Variants in NALF1 observed in about 807,000 individuals in gnomAD.
NALF1 encodes the protein family with sequence similarity 155 member A.
In NALF1, 3 loss-of-function variants were observed where a neutral mutation model predicts 48.4. That is an observed-to-expected ratio of 0.06 (90% CI 0.03 to 0.16). The LOEUF is 0.16. NALF1 is among the 10% of genes least tolerant of loss of function. The pLI, the probability that NALF1 is intolerant of heterozygous loss-of-function variation, is 1.00. For synonymous variants in NALF1, 262 were observed against 245.7 expected (o/e 1.07, Z -0.62); for missense variants, 526 against 571.5 (o/e 0.92, Z 0.81).
intron 1 of NALF1, among the ~76,000 whole-genome samples, chr13:107,358,160 C>T (rs998386794): frequency 1.6e-4 from 22 of 138,334 alleles, no homozygotes; most frequent in African/African-American, 5.1e-4. Context: ...ATTTTATATA[C>T]GTAACATATG....
intron 1 of NALF1, among the ~76,000 whole-genome samples, chr13:107,614,992 G>T (rs974253978): frequency 3.3e-5 from 5 of 151,868 alleles, no homozygotes; most frequent in Admixed American, 1.3e-4. Flanking sequence ...GGCCAGGCTG[G>T]TCTTGAACTC....
chr13:107,831,363 A>G (rs964360727), intron 1 of NALF1, among the ~76,000 whole-genome samples: 1 of 152,204 alleles, frequency 6.6e-6, no homozygotes, highest in East Asian at 1.9e-4. Context: ...TCGGCACTTA[A>G]TAAGATTGGC....
intron 1 of NALF1, among the ~76,000 whole-genome samples, chr13:107,684,133 C>A (rs930145663): frequency 6.6e-6 from 1 of 152,194 alleles, no homozygotes; most frequent in African/African-American, 2.4e-5. Flanking sequence ...CTCCCAAACG[C>A]AGAATCCACC....
At chr13:107,210,433 C>G (rs1202845082) in intron 2 of NALF1, 151 bp downstream of exon 2, 2 of 604,492 alleles carry the variant, frequency 3.3e-6, no homozygotes, top group Middle Eastern at 4.5e-4. Flanking sequence ...TTGAGGGGAG[C>G]TTTCGGTGCT....
At chr13:107,447,426 A>G (rs1884668685) in intron 1 of NALF1, among the ~76,000 whole-genome samples, 1 of 152,094 alleles carries the variant, frequency 6.6e-6, no homozygotes, top group South Asian at 2.1e-4. Flanking sequence ...GAGTCCAGTC[A>G]CCATAAGATG....
intron 1 of NALF1, among the ~76,000 whole-genome samples, chr13:107,385,421 C>T (rs889943654): frequency 2.0e-5 from 3 of 152,016 alleles, no homozygotes; most frequent in East Asian, 1.9e-4. Context: ...GGTATAGTGG[C>T]GCGTGCCTGT....
chr13:107,455,448 C>T (rs1304670529), intron 1 of NALF1, among the ~76,000 whole-genome samples: 1 of 152,164 alleles, frequency 6.6e-6, no homozygotes, highest in African/African-American at 2.4e-5. Flanking sequence ...CCTGTGACCA[C>T]ACCCATGTAC....
At chr13:107,358,413 T>C (rs144760104) in intron 1 of NALF1, among the ~76,000 whole-genome samples, 1 of 152,170 alleles carries the variant, frequency 6.6e-6, no homozygotes, top group Non-Finnish European at 1.5e-5. Context: ...TAGCAGTGCA[T>C]GATATTTAGT....
At chr13:107,367,657 G>A (rs950466015) in intron 1 of NALF1, among the ~76,000 whole-genome samples, 111 of 152,286 alleles carry the variant, frequency 7.3e-4, no homozygotes, top group African/African-American at 2.6e-3. Context: ...GACACTTGCT[G>A]GAAGGGCTAC....
At chr13:107,279,216 T>C (rs144667682) in intron 1 of NALF1, among the ~76,000 whole-genome samples, 1 of 152,216 alleles carries the variant, frequency 6.6e-6, no homozygotes. Context: ...GAGGAAGAAA[T>C]TGCTGCTTCA....
intron 1 of NALF1, among the ~76,000 whole-genome samples, chr13:107,661,589 C>T (rs9514720): frequency 0.29 from 44,091 of 151,972 alleles, 6,737 homozygotes; most frequent in African/African-American, 0.35. Flanking sequence ...GGCATAATAC[C>T]TTAACCAAGA....
chr13:107,235,956 T>A (rs7317614), intron 1 of NALF1, among the ~76,000 whole-genome samples: 35,030 of 152,126 alleles, frequency 0.23, 4,069 homozygotes, highest in Middle Eastern at 0.3. Flanking sequence ...TCTTCACTTG[T>A]AAACACTATT....
chr13:107,798,056 C>T (rs1286033086), intron 1 of NALF1, among the ~76,000 whole-genome samples: 1 of 151,946 alleles, frequency 6.6e-6, no homozygotes, highest in Non-Finnish European at 1.5e-5. Context: ...CTATGAAAAC[C>T]AATATTTTTG....
intron 1 of NALF1, among the ~76,000 whole-genome samples, chr13:107,231,737 G>A (rs890212576): frequency 2.0e-5 from 3 of 152,154 alleles, no homozygotes; most frequent in Admixed American, 6.6e-5. Flanking sequence ...AAACTGATTT[G>A]CGCATTTGAA....
At chr13:107,430,766 A>C (rs371370895) in intron 1 of NALF1, among the ~76,000 whole-genome samples, 1 of 152,116 alleles carries the variant, frequency 6.6e-6, no homozygotes, top group Admixed American at 6.6e-5. Flanking sequence ...ACATACGTGT[A>C]CATGTGTCTT....
chr13:107,665,821 A>G (rs1031467022), intron 1 of NALF1, among the ~76,000 whole-genome samples: 34 of 152,120 alleles, frequency 2.2e-4, no homozygotes, highest in African/African-American at 7.7e-4. Context: ...GATAAACTTT[A>G]TTTTTCAACA....
At chr13:107,578,900 A>C (rs926221373) in intron 1 of NALF1, among the ~76,000 whole-genome samples, 1 of 152,110 alleles carries the variant, frequency 6.6e-6, no homozygotes, top group African/African-American at 2.4e-5. Context: ...GCCAAAGATT[A>C]TTCTTATTGT....
intron 2 of NALF1, among the ~76,000 whole-genome samples, chr13:107,177,582 C>T (rs1403638590): frequency 6.6e-6 from 1 of 152,058 alleles, no homozygotes; most frequent in East Asian, 1.9e-4. Flanking sequence ...AACCCAAAAA[C>T]AAATCCACAC....
At chr13:107,616,762 T>C (rs574345010) in intron 1 of NALF1, among the ~76,000 whole-genome samples, 1 of 152,248 alleles carries the variant, frequency 6.6e-6, no homozygotes, top group East Asian at 1.9e-4. Context: ...TCAGTCCCCA[T>C]GCAGCCCAGT....
Sources: gnomAD v4.1 joint callset for allele counts (sites outside exome capture counted in the v4.1 genomes callset) on GRCh38, gnomAD v4.1.1 for gene constraint, MANE v1.5 for transcripts, NCBI Gene and HGNC (gene_info 2026-07-23, HGNC 2026-07-21) for gene names.